Variants in PTPRO observed in about 807,000 individuals in gnomAD.
PTPRO encodes protein tyrosine phosphatase receptor type O, also known as receptor-type tyrosine-protein phosphatase O.
A neutral mutation model predicts 145.2 loss-of-function variants in PTPRO; 62 were observed. That is an observed-to-expected ratio of 0.43 (90% confidence interval 0.35 to 0.53). The LOEUF is 0.53. PTPRO is among the 20% of genes least tolerant of loss of function. The probability of loss-of-function intolerance (pLI) is 0.01; values close to 1 mark genes in which losing one functional copy is unlikely to be tolerated. For synonymous variants in PTPRO, 565 were observed against 514.7 expected, an observed-to-expected ratio of 1.10 and a Z score of -1.32; for missense variants, 1,345 against 1,482.7, an observed-to-expected ratio of 0.91 and a Z score of 1.53.
intron 1 of PTPRO, among the ~76,000 whole-genome samples, chr12:15,362,739 T>A (rs1317935187): frequency 6.6e-6 from 1 of 152,034 alleles, no homozygotes; most frequent in Non-Finnish European, 1.5e-5. Flanking sequence ...TGAAGTGTAG[T>A]GTAAATCCAG....
intron 2 of PTPRO, among the ~76,000 whole-genome samples, chr12:15,489,833 C>T (rs935358920): frequency 3.3e-5 from 5 of 152,036 alleles, no homozygotes; most frequent in African/African-American, 1.2e-4. Context: ...ACTGGGAAGG[C>T]AGCACAGAAG....
rs557295207 is a variant in PTPRO at position 15,464,572 on chromosome 12, C to T, written c.76-19402C>T. Among the ~76,000 whole-genome samples, 3 of 150,616 alleles carry T rather than the reference C, an allele frequency of 2.0e-5. No homozygotes were observed. The South Asian group carries it at 6.3e-4, about 32-fold the overall frequency. ...ATAGAGGGGGGTTTCACCATCTTGG[C>T]CAGGCAGGTCTCCTGACCTCAAGTG... On this transcript the variant is annotated intron_variant, in intron 1 of 26. Transcript: ENST00000281171.
At chr12:15,509,716 A>C (rs538665552) in intron 7 of PTPRO, among the ~76,000 whole-genome samples, 1 of 151,998 alleles carries the variant, frequency 6.6e-6, no homozygotes, top group East Asian at 1.9e-4. Context: ...AAAGAATATA[A>C]AGTAAAAAAC....
chr12:15,477,657 A>T (rs931431259), intron 1 of PTPRO, among the ~76,000 whole-genome samples: 1 of 152,050 alleles, frequency 6.6e-6, no homozygotes, highest in Non-Finnish European at 1.5e-5. Context: ...TAGCCTTCAG[A>T]GCGTGAGTCG....
intron 13 of PTPRO, among the ~76,000 whole-genome samples, chr12:15,547,344 C>T (rs762762825): frequency 1.3e-5 from 2 of 152,152 alleles, no homozygotes; most frequent in African/African-American, 4.8e-5. Flanking sequence ...AGAGATGAAC[C>T]TGCAGTTCTA....
intron 2 of PTPRO, among the ~76,000 whole-genome samples, chr12:15,487,133 T>C (rs1941905179): frequency 6.6e-6 from 1 of 152,098 alleles, no homozygotes; most frequent in Admixed American, 6.6e-5. Context: ...CATTGCTAAC[T>C]TTTTGGTGGG....
In PTPRO at chr12:15,396,488, C is replaced by T. The variant is rs1400520531; in HGVS notation, c.75+73687C>T. Reference sequence around the variant, plus strand: ...TTATTGAAAAAAAATTGCTCTAACTCAGCCCTCTTTTATAGTAAAGTATTA... The same window carrying T: ...TTATTGAAAAAAAATTGCTCTAACTTAGCCCTCTTTTATAGTAAAGTATTA... On this transcript the variant is annotated intron_variant, in intron 1 of 26. Coordinates refer to ENST00000281171, the MANE Select transcript of PTPRO (RefSeq NM_030667.3). Among the ~76,000 whole-genome samples, 3 of 152,114 alleles carry T rather than the reference C, an allele frequency of 2.0e-5. No homozygotes were observed. In the East Asian group the frequency reaches 5.8e-4, roughly 29 times the overall value.
intron 1 of PTPRO, among the ~76,000 whole-genome samples, chr12:15,451,790 A>T (rs976656627): frequency 6.6e-6 from 1 of 152,196 alleles, no homozygotes; most frequent in African/African-American, 2.4e-5. Flanking sequence ...CAATTATTTG[A>T]ACTGAACAAT....
intron 1 of PTPRO, among the ~76,000 whole-genome samples, chr12:15,377,806 C>A (rs1204256877): frequency 6.6e-6 from 1 of 151,846 alleles, no homozygotes; most frequent in Non-Finnish European, 1.5e-5. Flanking sequence ...TCTCTGACCA[C>A]AAGAAAATAA....
intron 1 of PTPRO, among the ~76,000 whole-genome samples, chr12:15,396,012 C>A (rs1399235431): frequency 6.6e-6 from 1 of 152,088 alleles, no homozygotes; most frequent in Non-Finnish European, 1.5e-5. Flanking sequence ...ATGCATTTAC[C>A]ACTGTGAACA....
intron 1 of PTPRO, among the ~76,000 whole-genome samples, chr12:15,367,598 A>C (rs1036771336): frequency 6.6e-6 from 1 of 152,152 alleles, no homozygotes; most frequent in African/African-American, 2.4e-5. Context: ...TATGTTCTCC[A>C]CTTAAATGTC....
intron 1 of PTPRO, among the ~76,000 whole-genome samples, chr12:15,423,344 A>G (rs976518522): frequency 2.0e-5 from 3 of 152,196 alleles, no homozygotes; most frequent in Non-Finnish European, 2.9e-5. Context: ...TTTTAAATGT[A>G]TGTTTTACAA....
At chr12:15,356,846 A>G (rs557282690) in intron 1 of PTPRO, among the ~76,000 whole-genome samples, 3 of 151,800 alleles carry the variant, frequency 2.0e-5, no homozygotes, top group Non-Finnish European at 4.4e-5. Context: ...TCACCTTTTT[A>G]TTATACATCT....
intron 1 of PTPRO, among the ~76,000 whole-genome samples, chr12:15,433,918 G>A (rs1940523768): frequency 6.6e-6 from 1 of 152,122 alleles, no homozygotes; most frequent in Non-Finnish European, 1.5e-5. Flanking sequence ...TTAGCAGCTT[G>A]TTTTTGTTTG....
At chr12:15,588,276 G>T (rs534913808) in intron 24 of PTPRO, among the ~76,000 whole-genome samples, 1 of 152,150 alleles carries the variant, frequency 6.6e-6, no homozygotes, top group East Asian at 1.9e-4. Context: ...AGTAGAAAAA[G>T]CAACCCTTAA....
intron 1 of PTPRO, among the ~76,000 whole-genome samples, chr12:15,350,108 C>A (rs1202463537): frequency 6.6e-6 from 1 of 152,102 alleles, no homozygotes; most frequent in Non-Finnish European, 1.5e-5. Context: ...TGGTCTGGAA[C>A]CCTTCATATA....
At chr12:15,374,891 A>G (rs559614701) in intron 1 of PTPRO, among the ~76,000 whole-genome samples, 10 of 152,306 alleles carry the variant, frequency 6.6e-5, no homozygotes, top group Non-Finnish European at 7.4e-5. Flanking sequence ...AAGAAAGACC[A>G]AAGAGTGCCC....
intron 1 of PTPRO, among the ~76,000 whole-genome samples, chr12:15,384,179 G>C (rs922533141): frequency 2.0e-5 from 3 of 152,130 alleles, no homozygotes. Context: ...CTTGGCCAAG[G>C]GGGAGGAGGT....
chr12:15,568,072 G>T (rs1321789285), intron 18 of PTPRO, among the ~76,000 whole-genome samples: 2 of 152,156 alleles, frequency 1.3e-5, no homozygotes, highest in African/African-American at 4.8e-5. Context: ...GAATTAATCA[G>T]ATTAGCTAAT....
Sources: gnomAD v4.1 joint callset for allele counts (sites outside exome capture counted in the v4.1 genomes callset) on GRCh38, gnomAD v4.1.1 for gene constraint, MANE v1.5 for transcripts, NCBI Gene and HGNC (gene_info 2026-07-23, HGNC 2026-07-21) for gene names.